The following ZNF676 variants were observed in gnomAD, a reference collection of about 807,000 sequenced individuals.
ZNF676 encodes the protein zinc finger protein 676.
A neutral mutation model predicts 6.0 loss-of-function variants in ZNF676; 4 were observed. That is an observed-to-expected ratio of 0.67 (90% CI 0.33 to 1.53). ZNF676 has a LOEUF of 1.53. Ranked by LOEUF, ZNF676 falls within the 40% of genes most tolerant of loss-of-function variation. The pLI is 0.06. For synonymous variants in ZNF676, 198 were observed against 223.1 expected, an observed-to-expected ratio of 0.89 and a Z score of 1.00; for missense variants, 644 against 679.7, an observed-to-expected ratio of 0.95 and a Z score of 0.58.
At chr19:22,254,456 G>A in the ZNF676 span, among the ~76,000 whole-genome samples, 1 of 152,156 alleles carries the variant, frequency 6.6e-6, no homozygotes, top group African/African-American at 2.4e-5. Context: ...CCACCCTGAA[G>A]GAATGATGCC....
intron 1 of ZNF676, among the ~76,000 whole-genome samples, chr19:22,212,053 A>G (rs1009218368): frequency 6.6e-6 from 1 of 151,886 alleles, no homozygotes; most frequent in African/African-American, 2.4e-5. Flanking sequence ...CAAAAAAATT[A>G]GCTGGGTGTG....
chr19:22,187,128 G>A (rs7343146), intron 2 of ZNF676, among the ~76,000 whole-genome samples: 65,257 of 151,914 alleles, frequency 0.43, 14,973 homozygotes, highest in African/African-American at 0.6. Flanking sequence ...AAGTAAAACA[G>A]TCCTCAGCAA....
At chr19:22,221,541 A>G in the ZNF676 span, among the ~76,000 whole-genome samples, 1 of 152,272 alleles carries the variant, frequency 6.6e-6, no homozygotes, top group South Asian at 2.1e-4. Flanking sequence ...ACCTGAGGTC[A>G]GGAGTTCAAA....
chr19:22,185,004 C>G lies in ZNF676; in HGVS notation c.131-3418G>C, dbSNP rs1002856227. On this transcript the variant is annotated intron_variant, in intron 2 of 2. Coordinates refer to ENST00000397121, the MANE Select transcript of ZNF676 (RefSeq NM_001001411.3). ...GAGAGCAGTGCATCTACCAGCACAG[C>G]GTTCAAGCGCTGCTAAGGGTCATAC... Among the ~76,000 whole-genome samples, 3 of 152,098 alleles carry G rather than the reference C, an allele frequency of 2.0e-5. No individual in the cohort carries two copies. In the East Asian group the frequency reaches 5.8e-4, roughly 29 times the overall value.
At chr19:22,198,890 C>T (rs2023998144), upstream of ZNF676, among the ~76,000 whole-genome samples, 6 of 152,138 alleles carry the variant, frequency 3.9e-5, no homozygotes, top group Admixed American at 2.6e-4. Flanking sequence ...TTGGACCACC[C>T]TTTAATGCAA....
chr19:22,200,262 T>A (rs1425258974), upstream of ZNF676, among the ~76,000 whole-genome samples: 1 of 152,038 alleles, frequency 6.6e-6, no homozygotes, highest in East Asian at 1.9e-4. Context: ...TCTATAATAA[T>A]TTTTTTAGAA....
At chr19:22,213,727 G>A (rs972291775) in intron 1 of ZNF676, among the ~76,000 whole-genome samples, 1 of 152,004 alleles carries the variant, frequency 6.6e-6, no homozygotes, top group Non-Finnish European at 1.5e-5. Context: ...GGAGATGAGA[G>A]GCTACACTCC....
chr19:22,203,303 GT>G (rs1222389890), intron 1 of ZNF676: 2 of 153,132 alleles, frequency 1.3e-5, no homozygotes, highest in Non-Finnish European at 2.9e-5. Context: ...AGCTCTGAGA[GT>G]TCTCACTGTG....
At chr19:22,234,288 T>A in the ZNF676 span, among the ~76,000 whole-genome samples, 1 of 152,232 alleles carries the variant, frequency 6.6e-6, no homozygotes, top group South Asian at 2.1e-4. Context: ...CATAGGGAAC[T>A]CCCCATTAGG....
At chr19:22,208,619 C>T (rs1599718622) in intron 1 of ZNF676, among the ~76,000 whole-genome samples, 1 of 152,280 alleles carries the variant, frequency 6.6e-6, no homozygotes, top group Non-Finnish European at 1.5e-5. Flanking sequence ...ATGGAATCAA[C>T]CTAAATGCCT....
At chr19:22,184,781 C>G (rs1467009313) in intron 2 of ZNF676, among the ~76,000 whole-genome samples, 1 of 137,156 alleles carries the variant, frequency 7.3e-6, no homozygotes, top group Non-Finnish European at 1.5e-5. Flanking sequence ...GCTAGCAAGA[C>G]CAGACTGTAT....
the ZNF676 span, among the ~76,000 whole-genome samples, chr19:22,258,218 C>T: frequency 6.6e-6 from 1 of 151,950 alleles, no homozygotes; most frequent in Non-Finnish European, 1.5e-5. Flanking sequence ...TATGTCACAA[C>T]CTCTTCTATG....
the ZNF676 span, among the ~76,000 whole-genome samples, chr19:22,258,903 T>C: frequency 3.9e-5 from 6 of 152,122 alleles, no homozygotes; most frequent in African/African-American, 9.7e-5. Context: ...ATAAATGAGA[T>C]TATCAATTCT....
At chr19:22,234,962 GAGAAAGAAAGAAAGAAAGAAAGAA>G in the ZNF676 span, among the ~76,000 whole-genome samples, 1,278 of 101,336 alleles carry the variant, frequency 0.013, 25 homozygotes, top group South Asian at 0.019. Flanking sequence ...AAGAAAGCAA[GAGAAAGAAAGAAAGAAAGAAAGAA>G]AGAAAGAAAG....
At chr19:22,190,630 C>CATATATATATATATATATATATAT (rs74174059) in intron 2 of ZNF676, among the ~76,000 whole-genome samples, 3 of 66,818 alleles carry the variant, frequency 4.5e-5, no homozygotes, top group Non-Finnish European at 6.2e-5. Context: ...TAGAATGCAA[C>CATATATATATATATATATATATAT]ATATATATAT....
At chr19:22,193,659 C>CTGCT (rs1419726993) in intron 1 of ZNF676, among the ~76,000 whole-genome samples, 1 of 152,122 alleles carries the variant, frequency 6.6e-6, no homozygotes, top group African/African-American at 2.4e-5. Context: ...GAATTGGCCT[C>CTGCT]TGCTACCCCC....
the ZNF676 span, among the ~76,000 whole-genome samples, chr19:22,248,081 A>ATTTTTTTTTTTTTTTTT: frequency 6.6e-6 from 1 of 151,804 alleles, no homozygotes; most frequent in African/African-American, 2.4e-5. Context: ...CGAACTCATC[A>ATTTTTTTTTTTTTTTTT]TTTTTTTATG....
chr19:22,259,693 C>T, the ZNF676 span: 1 of 152,182 alleles, frequency 6.6e-6, no homozygotes, highest in East Asian at 1.9e-4. Flanking sequence ...AGAGATATGT[C>T]ACGATGATCT....
upstream of ZNF676, among the ~76,000 whole-genome samples, chr19:22,200,824 C>G (rs2024018074): frequency 6.6e-6 from 1 of 152,092 alleles, no homozygotes; most frequent in Non-Finnish European, 1.5e-5. Context: ...ACTGGGATTA[C>G]AGGTATGAGA....
Sources: allele counts gnomAD v4.1 joint callset (sites outside exome capture counted in the v4.1 genomes callset), GRCh38; gene constraint gnomAD v4.1.1; transcripts MANE v1.5; gene names NCBI Gene and HGNC (gene_info 2026-07-23, HGNC 2026-07-21).